MED13L: variants seen among roughly 807,000 people sequenced by gnomAD.
MED13L encodes the protein mediator of RNA polymerase II transcription subunit 13-like.
MED13L carries 7 observed loss-of-function variants against 220.9 expected under a neutral mutation model. The ratio of observed to expected loss-of-function variants is 0.03; its 90% confidence interval spans 0.02 to 0.06. The LOEUF is 0.06. Among genes scored for constraint, MED13L ranks in the 10% least tolerant of loss-of-function variants. MED13L has a pLI of 1.00. For missense variants in MED13L, 1,965 were observed against 2,760.5 expected, an observed-to-expected ratio of 0.71 and a Z score of 6.46; for synonymous variants, 1,011 against 1,015.2, an observed-to-expected ratio of 1.00 and a Z score of 0.08.
intron 2 of MED13L, among the ~76,000 whole-genome samples, chr12:116,151,282 G>T (rs1878018126): frequency 6.6e-6 from 1 of 152,078 alleles, no homozygotes; most frequent in African/African-American, 2.4e-5. Flanking sequence ...TATATAATTG[G>T]TTGAGATCAA....
At chr12:116,002,971 CCACAATGGCT>C (rs1878836929) in intron 14 of MED13L, 22 bp downstream of exon 14, 1 of 1,534,582 alleles carries the variant, frequency 6.5e-7, no homozygotes, top group Non-Finnish European at 9.0e-7. Flanking sequence ...AGGCAGTGAG[CCACAATGGCT>C]CAGTCAAGTT....
At chr12:116,106,346 G>A (rs966269104) in intron 3 of MED13L, among the ~76,000 whole-genome samples, 1 of 152,082 alleles carries the variant, frequency 6.6e-6, no homozygotes, top group African/African-American at 2.4e-5. Flanking sequence ...CAGGAGGGTC[G>A]AGATATCAAA....
intron 2 of MED13L, among the ~76,000 whole-genome samples, chr12:116,178,876 GCA>G (rs537784195): frequency 5.4e-4 from 82 of 152,228 alleles, no homozygotes; most frequent in Non-Finnish European, 9.6e-4. Context: ...ATCTTTTTAA[GCA>G]CACTCTGAAT....
intron 2 of MED13L, among the ~76,000 whole-genome samples, chr12:116,150,029 C>T (rs750601865): frequency 6.6e-6 from 1 of 152,072 alleles, no homozygotes; most frequent in South Asian, 2.1e-4. Flanking sequence ...GGAAGTGGAT[C>T]AAATACAAAA....
chr12:116,110,607 A>G (rs1488420581), intron 3 of MED13L, among the ~76,000 whole-genome samples: 3 of 152,188 alleles, frequency 2.0e-5, no homozygotes, highest in Non-Finnish European at 4.4e-5. Context: ...CACAAATTAC[A>G]TATTAATTAC....
At chr12:116,232,726 C>T (rs897722546) in intron 2 of MED13L, among the ~76,000 whole-genome samples, 2 of 152,168 alleles carry the variant, frequency 1.3e-5, no homozygotes, top group Non-Finnish European at 2.9e-5. Context: ...TTGGGTTTTC[C>T]AGATTGCATG....
intron 2 of MED13L, among the ~76,000 whole-genome samples, chr12:116,122,001 C>T (rs779190588): frequency 5.9e-5 from 9 of 152,100 alleles, no homozygotes; most frequent in African/African-American, 1.9e-4. Context: ...CAGTAACTAA[C>T]GGCTAAAGAT....
At chr12:116,053,939 G>A (rs1868725267) in intron 4 of MED13L, among the ~76,000 whole-genome samples, 1 of 152,148 alleles carries the variant, frequency 6.6e-6, no homozygotes, top group Non-Finnish European at 1.5e-5. Flanking sequence ...CAGGGTCACA[G>A]AGGCAAAGGT....
intron 4 of MED13L, among the ~76,000 whole-genome samples, chr12:116,063,173 T>C (rs185883148): frequency 6.6e-6 from 1 of 152,314 alleles, no homozygotes; most frequent in East Asian, 1.9e-4. Flanking sequence ...GCAAGGTCTG[T>C]GTTAGCCCCT....
Position 116,277,586 on chromosome 12 carries a change from C to G in MED13L, c.-455G>C, listed in dbSNP as rs919772933. Among the ~76,000 whole-genome samples, 128 of 149,640 alleles carry G rather than the reference C, an allele frequency of 8.6e-4. 1 individual carries two copies. The highest frequency in any genetic ancestry group is 2.8e-3 in the African/African-American group (114 of 41,282). On this transcript the variant is annotated 5_prime_UTR_variant, in exon 1 of 31. Coordinates refer to ENST00000281928, the MANE Select transcript of MED13L (RefSeq NM_015335.5). ...TGCGGACGAAGCCAGCGGGCGACCC[C>G]GGCAGCCGAGCGACGTCCCCTCCTT...
At chr12:116,028,384 T>C (rs564173619) in intron 4 of MED13L, among the ~76,000 whole-genome samples, 17 of 152,308 alleles carry the variant, frequency 1.1e-4, no homozygotes, top group Admixed American at 3.9e-4. Flanking sequence ...ATTTATTTCA[T>C]ATACTTTCAT....
intron 2 of MED13L, among the ~76,000 whole-genome samples, chr12:116,116,239 A>T (rs1316145573): frequency 1.3e-5 from 2 of 152,062 alleles, no homozygotes; most frequent in Non-Finnish European, 2.9e-5. Context: ...CCTATTCCCC[A>T]ACCCCCACCC....
chr12:116,066,892 A>T (rs2137663357), intron 4 of MED13L, among the ~76,000 whole-genome samples: 1 of 152,200 alleles, frequency 6.6e-6, no homozygotes, highest in East Asian at 1.9e-4. Flanking sequence ...GTTCATGCTT[A>T]GTTTCATGAA....
chr12:116,035,715 C>G lies in MED13L; in HGVS notation c.480-13114G>C, dbSNP rs1592972460. Among the ~76,000 whole-genome samples, 5 of 152,064 alleles carry G rather than the reference C, an allele frequency of 3.3e-5. No homozygotes were observed. In the South Asian group the frequency reaches 1.0e-3, roughly 32 times the overall value. ...CAGCGATTCTCCCACCTACGCCTCC[C>G]GAGTAGCTGGGACCCCAAGCACACG... is the stretch of plus-strand genomic sequence containing the variant. On this transcript the variant is annotated intron_variant, in intron 4 of 30. Coordinates refer to ENST00000281928, the MANE Select transcript of MED13L (RefSeq NM_015335.5).
At chr12:116,079,062 TAAAGA>T (rs1565866374) in intron 4 of MED13L, among the ~76,000 whole-genome samples, 1 of 152,238 alleles carries the variant, frequency 6.6e-6, no homozygotes, top group Non-Finnish European at 1.5e-5. Context: ...AGCCAGATAT[TAAAGA>T]AATTTGCAAA....
rs1868812348 is a variant in MED13L, at chr12:116,224,965, G to A, written c.310+12503C>T. Among the ~76,000 whole-genome samples the A allele has an allele frequency of 2.0e-5, 3 of 152,056 alleles. No homozygotes were observed. The South Asian group carries it at 6.2e-4, about 32-fold the overall frequency. On this transcript the variant is annotated intron_variant, in intron 2 of 30. Transcript: ENST00000281928. ...TCCCACCTCAGCCTCCGAAAGTGCT[G>A]GGATTACAGGCGTGAGCCACCAAGC...
intron 7 of MED13L, among the ~76,000 whole-genome samples, chr12:116,018,972 T>A (rs1263177692): frequency 6.6e-6 from 1 of 151,908 alleles, no homozygotes; most frequent in African/African-American, 2.4e-5. Context: ...GGGGCAGATG[T>A]GTGTGCAAAC....
intron 4 of MED13L, 97 bp downstream of exon 4, chr12:116,096,572 A>G (rs1593039251): frequency 1.2e-6 from 1 of 866,284 alleles, no homozygotes; most frequent in East Asian, 2.6e-5. Context: ...GTATATCTAA[A>G]CTACTAACAT....
At chr12:116,164,212 A>T (rs1235579370) in intron 2 of MED13L, among the ~76,000 whole-genome samples, 1 of 152,212 alleles carries the variant, frequency 6.6e-6, no homozygotes, top group Non-Finnish European at 1.5e-5. Flanking sequence ...ATGAAAGTGC[A>T]TATCAAATAA....
Sources: allele counts gnomAD v4.1 joint callset (sites outside exome capture counted in the v4.1 genomes callset), GRCh38; gene constraint gnomAD v4.1.1; transcripts MANE v1.5; gene names NCBI Gene and HGNC (gene_info 2026-07-23, HGNC 2026-07-21).